Variants in WDR4 observed in about 807,000 individuals in gnomAD.
The protein encoded by WDR4 is WDR4 tRNA N7-guanosine methyltransferase non-catalytic subunit.
Under a neutral mutation model 48.6 loss-of-function variants are expected in WDR4, and 47 were observed. The observed-to-expected ratio is 0.97, with a 90% confidence interval of 0.77 to 1.23. The LOEUF (loss-of-function observed/expected upper bound fraction) is 1.23, where lower values mean the gene tolerates loss of function less well. Among genes scored for constraint, WDR4 ranks in the 50% most tolerant of loss-of-function variants. The pLI is 0.00. For missense variants in WDR4, 606 were observed against 551.6 expected, an observed-to-expected ratio of 1.10 and a Z score of -0.99; for synonymous variants, 268 against 230.0, an observed-to-expected ratio of 1.17 and a Z score of -1.49.
intron 6 of WDR4, among the ~76,000 whole-genome samples, chr21:42,858,041 G>A (rs977095194): frequency 6.6e-5 from 10 of 152,096 alleles, no homozygotes; most frequent in African/African-American, 1.9e-4. Flanking sequence ...GCAGTGAACC[G>A]AGATCACGCC....
At position 42,863,504 on chromosome 21, in the gene WDR4, G is replaced by A. The variant is rs566279074; in HGVS notation, c.389C>T (p.Ser130Leu). 68 of 1,613,928 alleles carry A rather than the reference G, an allele frequency of 4.2e-5. No individual in the cohort carries two copies. The highest frequency in any genetic ancestry group is 4.1e-4 in the African/African-American group (31 of 74,942). ...GCCACACCCGTGTGGCTCCAGCACC[G>A]AAAAGGAGTAGACGTCTCCAGACTT... ...ADKSGDVYSFSVLEPHGCGRL... is the reference protein window; with the variant it reads ...ADKSGDVYSFLVLEPHGCGRL... Residue 130 changes from serine (S) to leucine (L), a missense_variant, in exon 4 of 11, where the codon TCG (serine) becomes TTG (leucine). Coordinates refer to ENST00000398208, the MANE Select transcript of WDR4 (RefSeq NM_018669.6).
chr21:42,868,418 A>G (rs1302494900), intron 3 of WDR4, among the ~76,000 whole-genome samples: 1 of 150,888 alleles, frequency 6.6e-6, no homozygotes, highest in Admixed American at 6.6e-5. Flanking sequence ...CAGACTTGAA[A>G]GAGTCAGCGT....
intron 3 of WDR4, among the ~76,000 whole-genome samples, chr21:42,867,392 CCAAAA>C (rs1200291522): frequency 1.5e-5 from 1 of 64,946 alleles, no homozygotes; most frequent in East Asian, 2.6e-4. Context: ...CTCCGCTCCA[CCAAAA>C]AAAAAAAAAA....
At chr21:42,886,361 G>A in the WDR4 span, among the ~76,000 whole-genome samples, 14 of 146,846 alleles carry the variant, frequency 9.5e-5, no homozygotes, top group East Asian at 7.8e-4. Flanking sequence ...TTCAGAAAGC[G>A]TATGCACAAA....
At chr21:42,884,226 A>G (rs374333739), upstream of WDR4, among the ~76,000 whole-genome samples, 59 of 152,334 alleles carry the variant, frequency 3.9e-4, no homozygotes, top group African/African-American at 1.3e-3. Flanking sequence ...TATAATGAAT[A>G]ATGGTGTTGT....
chr21:42,852,805 C>T (rs2057869085), intron 9 of WDR4, among the ~76,000 whole-genome samples: 2 of 151,986 alleles, frequency 1.3e-5, no homozygotes, highest in Non-Finnish European at 2.9e-5. Flanking sequence ...ATCCCAGCTA[C>T]TCGGGAGGCT....
intron 1 of WDR4, chr21:42,879,124 C>T (rs2058569369): frequency 8.2e-7 from 1 of 1,220,272 alleles, no homozygotes; most frequent in South Asian, 3.1e-5. Context: ...GGAAGCGACC[C>T]GGCGGCGCTA....
intron 3 of WDR4, among the ~76,000 whole-genome samples, chr21:42,869,037 A>C (rs2058311502): frequency 2.6e-5 from 4 of 152,220 alleles, no homozygotes; most frequent in Non-Finnish European, 5.9e-5. Flanking sequence ...AGGCTAGCAC[A>C]TGCCACCACT....
chr21:42,879,721 G>A, upstream of WDR4: 1 of 541,190 alleles, frequency 1.8e-6, no homozygotes, highest in East Asian at 3.0e-5. Flanking sequence ...CACTCACCAA[G>A]GTGATCTGAT....
chr21:42,853,952 G>C (rs757140773), intron 8 of WDR4, among the ~76,000 whole-genome samples, 200 bp from the exon 9 acceptor site: 2 of 152,168 alleles, frequency 1.3e-5, no homozygotes, highest in African/African-American at 2.4e-5. Flanking sequence ...CCTAAGCTCT[G>C]GAGTGGCTCG....
intron 1 of WDR4, among the ~76,000 whole-genome samples, chr21:42,878,658 G>C (rs996678931): frequency 1.3e-5 from 2 of 152,158 alleles, no homozygotes; most frequent in Non-Finnish European, 2.9e-5. Context: ...TAATTGCTCC[G>C]AGAGTCCTGA....
chr21:42,873,809 C>A, intron 2 of WDR4, 118 bp from the exon 3 acceptor site: 1 of 1,211,576 alleles, frequency 8.3e-7, no homozygotes. Context: ...AAGGGGATCA[C>A]GTAGCCAAAA....
At chr21:42,883,095 T>G (rs2058618786), upstream of WDR4, among the ~76,000 whole-genome samples, 2 of 78,044 alleles carry the variant, frequency 2.6e-5, no homozygotes, top group Admixed American at 1.7e-4. Flanking sequence ...CAAGACTCCG[T>G]CTCAAAAAAA....
rs375549440 is a variant in WDR4, at chr21:42,879,500, C to A, written c.-5G>T. ...CAGTCCCACAGAGCCCGCCATGTAC[C>A]CGCCCGCCTCACCGCCATACACATG... On this transcript the variant is annotated 5_prime_UTR_variant, in exon 1 of 11. Coordinates refer to ENST00000398208, the MANE Select transcript of WDR4 (RefSeq NM_018669.6). 6 of 1,612,970 alleles carry A rather than the reference C, an allele frequency of 3.7e-6. No homozygotes were observed. In the African/African-American group the frequency reaches 8.0e-5, roughly 22 times the overall value.
chr21:42,855,078 C>T (rs377533724), intron 7 of WDR4, among the ~76,000 whole-genome samples: 14 of 150,870 alleles, frequency 9.3e-5, no homozygotes, highest in South Asian at 6.3e-4. Flanking sequence ...TGCTGTGAGT[C>T]GAGATAGCAC....
the WDR4 span, among the ~76,000 whole-genome samples, chr21:42,887,148 A>G: frequency 6.6e-6 from 1 of 151,982 alleles, no homozygotes; most frequent in Non-Finnish European, 1.5e-5. Context: ...AAGCACCACC[A>G]TGCCCGGCTA....
intron 2 of WDR4, among the ~76,000 whole-genome samples, chr21:42,876,236 CAG>C (rs2058489636): frequency 6.8e-5 from 2 of 29,420 alleles, no homozygotes; most frequent in African/African-American, 2.4e-4. Context: ...TTTTGGGAGA[CAG>C]AGTCTTGCTC....
rs773417076 is a variant in WDR4 at position 42,862,228 on chromosome 21, C to T, written c.566+54G>A. 4.6e-6 allele frequency: 6 copies of T among 1,314,416 alleles called. No homozygotes were observed. The highest frequency in any genetic ancestry group is 2.5e-5 in the South Asian group (2 of 80,228). 81.4% of individuals were successfully genotyped at this position (1,314,416 alleles called of 1,614,324 possible). On this transcript the variant is annotated intron_variant, in intron 5 of 10. Transcript: ENST00000398208. This position sits in a 1 kb window ranked among gnomAD's most constrained non-coding sequence, Gnocchi z 4.3. The stretch of plus-strand genomic sequence containing the variant: ...CGGCACCTGCTGAGCCGCAAGCTGA[C>T]GCTGTTTTCAAACAGACCTTCTTTC...
chr21:42,862,217 C>A lies in WDR4; in HGVS notation c.566+65G>T. ...GCCAGCTACAACGGCACCTGCTGAG[C>A]CGCAAGCTGACGCTGTTTTCAAACA... On this transcript the variant is annotated intron_variant, in intron 5 of 10. Coordinates refer to ENST00000398208, the MANE Select transcript of WDR4 (RefSeq NM_018669.6). This position sits in a 1 kb window ranked among gnomAD's most constrained non-coding sequence, Gnocchi z 4.3. 1 of 1,446,542 alleles carries A rather than the reference C, an allele frequency of 6.9e-7. No individual in the cohort carries two copies. 89.6% of individuals were successfully genotyped at this position (1,446,542 alleles called of 1,614,324 possible).
Sources: gnomAD v4.1 joint callset for allele counts (sites outside exome capture counted in the v4.1 genomes callset) on GRCh38, gnomAD v4.1.1 for gene constraint, Gnocchi (gnomAD v3.1) non-coding constraint, MANE v1.5 for transcripts, NCBI Gene and HGNC (gene_info 2026-07-23, HGNC 2026-07-21) for gene names.